XXYLT1: variants seen among roughly 807,000 people sequenced by gnomAD.
XXYLT1 encodes UDP-xylose:alpha-xyloside alpha-1,3-xylosyltransferase.
XXYLT1 carries 20 observed loss-of-function variants against 28.9 expected under a neutral mutation model. That is an observed-to-expected ratio of 0.69 (90% confidence interval 0.49 to 1.00). The LOEUF is 1.00. Among genes scored for constraint, XXYLT1 ranks in the 50% least tolerant of loss-of-function variants. The pLI is 0.00. For missense variants in XXYLT1, 542 were observed against 560.1 expected, an observed-to-expected ratio of 0.97 and a Z score of 0.33; for synonymous variants, 257 against 253.8, an observed-to-expected ratio of 1.01 and a Z score of -0.12.
chr3:195,144,970 T>G (rs1449770885), intron 3 of XXYLT1, among the ~76,000 whole-genome samples: 1 of 151,686 alleles, frequency 6.6e-6, no homozygotes, highest in Non-Finnish European at 1.5e-5. Context: ...TTCACCCTTA[T>G]GTCTCTACCT....
chr3:195,230,963 T>C (rs1320995689), intron 1 of XXYLT1, among the ~76,000 whole-genome samples: 1 of 152,170 alleles, frequency 6.6e-6, no homozygotes, highest in African/African-American at 2.4e-5. Context: ...TGTAGATTGC[T>C]TTGGGTAGTA....
chr3:195,262,855 G>A (rs534919643), intron 1 of XXYLT1, among the ~76,000 whole-genome samples: 6 of 152,280 alleles, frequency 3.9e-5, no homozygotes. Flanking sequence ...CAATTTAAAA[G>A]AATGCCACTG....
At position 195,255,019 on chromosome 3, in the gene XXYLT1, A is replaced by G. The variant is rs1725424933; in HGVS notation, c.504+15536T>C. 6.6e-6 allele frequency among the ~76,000 whole-genome samples: 1 copy of G among 152,160 alleles called. No individual in the cohort carries two copies. The highest frequency in any genetic ancestry group is 2.4e-5 in the African/African-American group (1 of 41,440). ...CATTCCCACACCCGCTGCACAGGAA[A>G]GAGAAAGAAGTCAGACTCGGACCCT... On this transcript the variant is annotated intron_variant, in intron 1 of 3. Coordinates refer to ENST00000310380, the MANE Select transcript of XXYLT1 (RefSeq NM_152531.5). The surrounding 1 kb of genome is among the most constrained non-coding windows in gnomAD (Gnocchi z 4.5).
At chr3:195,185,262 G>A (rs1722143666) in intron 2 of XXYLT1, among the ~76,000 whole-genome samples, 2 of 152,146 alleles carry the variant, frequency 1.3e-5, no homozygotes. Context: ...AATGCTCAGT[G>A]TCTTAGAACT....
At chr3:195,214,360 C>A (rs1316683841) in intron 2 of XXYLT1, among the ~76,000 whole-genome samples, 1 of 152,150 alleles carries the variant, frequency 6.6e-6, no homozygotes, top group African/African-American at 2.4e-5. Context: ...TTCCCTGCAT[C>A]AGCCAACCAG....
chr3:195,226,734 G>T lies in XXYLT1; in HGVS notation c.627C>A (p.Val209=). ...YYSDSIFFLS[V]AMHQIMPKEI... ...CTTTGGGCATGATCTGATGCATGGCGACCGAGAGGAAGAAGATGGAGTCAC... is the reference window on the plus strand; with the variant it reads ...CTTTGGGCATGATCTGATGCATGGCTACCGAGAGGAAGAAGATGGAGTCAC... The change falls in exon 2 of 4, where the codon GTC becomes GTA. Residue 209 remains valine, a synonymous_variant. Transcript: ENST00000310380. 6.2e-7 allele frequency: 1 copy of T among 1,613,726 alleles called. No homozygotes were observed. The highest frequency in any genetic ancestry group is 1.1e-5 in the South Asian group (1 of 90,986).
chr3:195,178,288 G>A (rs536326628), intron 2 of XXYLT1, among the ~76,000 whole-genome samples: 12 of 152,078 alleles, frequency 7.9e-5, no homozygotes, highest in Admixed American at 2.0e-4. Flanking sequence ...CGGAACCCTC[G>A]CCCAAACCTA....
At chr3:195,201,917 A>G (rs947507736) in intron 2 of XXYLT1, among the ~76,000 whole-genome samples, 10 of 152,230 alleles carry the variant, frequency 6.6e-5, no homozygotes, top group Middle Eastern at 3.4e-3. Context: ...GGTGGCTCAC[A>G]CCTGTAATCT....
intron 3 of XXYLT1, among the ~76,000 whole-genome samples, chr3:195,110,188 GGGTGAGGTGTATGTGTGGTGTGTGC>G (rs1717461065): frequency 2.0e-4 from 13 of 66,186 alleles, no homozygotes; most frequent in South Asian, 9.9e-4. Context: ...GTGTGTGTGT[GGGTGAGGTGTATGTGTGGTGTGTGC>G]GTGTGTGGTG....
At chr3:195,072,009 T>C (rs868151441) in intron 3 of XXYLT1, among the ~76,000 whole-genome samples, 1 of 140,632 alleles carries the variant, frequency 7.1e-6, no homozygotes, top group East Asian at 1.9e-4. Context: ...TGTCCATCTT[T>C]CTTTACTGTC....
chr3:195,128,708 T>C (rs999223697), intron 3 of XXYLT1, among the ~76,000 whole-genome samples: 1 of 152,228 alleles, frequency 6.6e-6, no homozygotes. Context: ...CTTCCCTGAT[T>C]ACCTCTAATT....
chr3:195,166,505 A>G (rs1577100151), intron 2 of XXYLT1, among the ~76,000 whole-genome samples: 1 of 152,178 alleles, frequency 6.6e-6, no homozygotes, highest in African/African-American at 2.4e-5. Context: ...GTAACACCCC[A>G]ATACTATTTC....
In XXYLT1 at chr3:195,069,563, G is replaced by C; in HGVS notation, c.*152C>G. The stretch of plus-strand genomic sequence containing the variant: ...GTCCTTGGCGGGTGGCCTCAGCACA[G>C]TGACCTGCCCGGCAGGAGGTCTCAG... On this transcript the variant is annotated 3_prime_UTR_variant, in exon 4 of 4. Coordinates refer to ENST00000310380, the MANE Select transcript of XXYLT1 (RefSeq NM_152531.5). 4 of 1,195,472 alleles carry C rather than the reference G, an allele frequency of 3.3e-6. No individual in the cohort carries two copies. Among genetic ancestry groups the C allele is most frequent in the Non-Finnish European group, 4.6e-6 (4 of 862,244 alleles). The allele number at this position is 1,195,472 out of a possible 1,614,324, so 74.1% of individuals were successfully genotyped here. A position where few individuals can be genotyped will look rare whatever the true frequency, so the allele number is the denominator to read the frequency against.
intron 3 of XXYLT1, among the ~76,000 whole-genome samples, chr3:195,102,873 T>C (rs1289072271): frequency 6.6e-6 from 1 of 152,220 alleles, no homozygotes; most frequent in African/African-American, 2.4e-5. Flanking sequence ...GTTTTATTTC[T>C]TTAGGAATTT....
chr3:195,248,009 T>C (rs1428024983), intron 1 of XXYLT1: 4 of 534,914 alleles, frequency 7.5e-6, no homozygotes, highest in Non-Finnish European at 1.3e-5. Flanking sequence ...CAATTTGAGG[T>C]GAGATTTGGG....
chr3:195,182,326 G>A (rs1424269841), intron 2 of XXYLT1, among the ~76,000 whole-genome samples: 3 of 152,202 alleles, frequency 2.0e-5, no homozygotes, highest in African/African-American at 7.2e-5. Flanking sequence ...TGTCACTGCT[G>A]CTGCTGCTGC....
At chr3:195,227,488 A>C (rs935941388) in intron 1 of XXYLT1, among the ~76,000 whole-genome samples, 1 of 152,190 alleles carries the variant, frequency 6.6e-6, no homozygotes, top group African/African-American at 2.4e-5. Context: ...AAGTATAAGG[A>C]ATAACCAGGT....
At chr3:195,159,862 T>C (rs1720782090) in intron 2 of XXYLT1, among the ~76,000 whole-genome samples, 1 of 152,178 alleles carries the variant, frequency 6.6e-6, no homozygotes, top group South Asian at 2.1e-4. Flanking sequence ...GCGGTTGGAA[T>C]TGGCGGTGGT....
intron 1 of XXYLT1, among the ~76,000 whole-genome samples, chr3:195,235,087 C>T (rs529914686): frequency 6.6e-6 from 1 of 151,912 alleles, no homozygotes; most frequent in South Asian, 2.1e-4. Context: ...TTCTTTCTTG[C>T]TTGCTTTCTT....
Sources: allele counts gnomAD v4.1 joint callset (sites outside exome capture counted in the v4.1 genomes callset), GRCh38; gene constraint gnomAD v4.1.1; non-coding constraint Gnocchi (gnomAD v3.1); transcripts MANE v1.5; gene names NCBI Gene and HGNC (gene_info 2026-07-23, HGNC 2026-07-21).